The following VWA3B variants were observed in gnomAD, a reference collection of about 807,000 sequenced individuals.
VWA3B encodes the protein von Willebrand factor A domain containing 3B.
A neutral mutation model predicts 158.3 loss-of-function variants in VWA3B; 138 were observed. That is an observed-to-expected ratio of 0.87 (90% CI 0.76 to 1.00). The LOEUF is 1.00. VWA3B is among the 50% of genes least tolerant of loss of function. The pLI is 0.00. For synonymous variants in VWA3B, 596 were observed against 587.3 expected (o/e 1.01, Z -0.21); for missense variants, 1,555 against 1,565.1 (o/e 0.99, Z 0.11).
At chr2:98,104,002 CT>C (rs763568083) in intron 2 of VWA3B, among the ~76,000 whole-genome samples, 1 of 151,962 alleles carries the variant, frequency 6.6e-6, no homozygotes, top group Non-Finnish European at 1.5e-5. Flanking sequence ...TTGATGTTTA[CT>C]TTGATATTAA....
At chr2:98,178,624 G>T (rs1446569716) in intron 8 of VWA3B, among the ~76,000 whole-genome samples, 2 of 152,284 alleles carry the variant, frequency 1.3e-5, no homozygotes, top group East Asian at 1.9e-4. Context: ...AGCTGATGGG[G>T]TTACCAAGTC....
chr2:98,250,396 T>C lies in VWA3B; in HGVS notation c.2752T>C (p.Tyr918His). ...INPQGAKLNI[Y>H]KRKVEQAIQS... Reference sequence around the variant, plus strand: ...CCCCCAAGGAGCCAAACTCAATATCTACAAGCGAAAAGTGGAACAGGCAAT... The same window carrying C: ...CCCCCAAGGAGCCAAACTCAATATCCACAAGCGAAAAGTGGAACAGGCAAT... The change falls in exon 20 of 28, where the codon TAC becomes CAC. Residue 918 changes from tyrosine (Y) to histidine (H), a missense_variant. Tyr to His is a moderately conservative substitution (Grantham distance 83). Transcript: ENST00000477737. 1 of 1,612,970 alleles carries C rather than the reference T, an allele frequency of 6.2e-7. No individual in the cohort carries two copies. The highest frequency in any genetic ancestry group is 2.2e-5 in the East Asian group (1 of 44,776).
rs186821947 is a variant in VWA3B, at chr2:98,151,652, T to C, written c.989-11199T>C. Reference sequence around the variant, plus strand: ...GTGTTTGCTGGAAGGTGAATCAACTTTGGGATCAGACCTGGATTCAAATCT... The same window carrying C: ...GTGTTTGCTGGAAGGTGAATCAACTCTGGGATCAGACCTGGATTCAAATCT... On this transcript the variant is annotated intron_variant, in intron 7 of 27. Coordinates refer to ENST00000477737, the MANE Select transcript of VWA3B (RefSeq NM_144992.5). Among the ~76,000 whole-genome samples, 18 of 152,318 alleles carry C rather than the reference T, an allele frequency of 1.2e-4. 1 individual carries two copies. The East Asian group carries it at 3.5e-3, about 29-fold the overall frequency.
intron 1 of VWA3B, among the ~76,000 whole-genome samples, chr2:98,090,904 C>T (rs1031197748): frequency 4.0e-5 from 6 of 151,472 alleles, no homozygotes; most frequent in Admixed American, 3.9e-4. Context: ...TACAGGCATG[C>T]ACCACCATGC....
chr2:98,168,586 G>A (rs1679308020), intron 8 of VWA3B, among the ~76,000 whole-genome samples: 1 of 152,110 alleles, frequency 6.6e-6, no homozygotes, highest in South Asian at 2.1e-4. Context: ...AGACAAGAAA[G>A]ATATTTAAAA....
chr2:98,242,579 A>G (rs1686146550), intron 19 of VWA3B, among the ~76,000 whole-genome samples: 1 of 151,284 alleles, frequency 6.6e-6, no homozygotes. Flanking sequence ...ACAGCATCCC[A>G]TCAAGGCTTC....
At chr2:98,231,968 T>C (rs1278378139) in intron 16 of VWA3B, among the ~76,000 whole-genome samples, 2 of 152,192 alleles carry the variant, frequency 1.3e-5, no homozygotes, top group Non-Finnish European at 2.9e-5. Flanking sequence ...TTTTTCTTTT[T>C]TAACACTGAC....
At chr2:98,294,060 A>G (rs1431396586) in intron 23 of VWA3B, among the ~76,000 whole-genome samples, 2 of 152,030 alleles carry the variant, frequency 1.3e-5, no homozygotes, top group African/African-American at 4.8e-5. Flanking sequence ...ATTGCCGGCC[A>G]GAATACTGCC....
At chr2:98,177,091 G>A in intron 8 of VWA3B, among the ~76,000 whole-genome samples, 1 of 152,152 alleles carries the variant, frequency 6.6e-6, no homozygotes, top group Middle Eastern at 3.2e-3. Flanking sequence ...GAGGGTGGGT[G>A]GATGAGGGAC....
At chr2:98,202,568 C>T (rs773795936) in intron 12 of VWA3B, among the ~76,000 whole-genome samples, 4 of 151,718 alleles carry the variant, frequency 2.6e-5, no homozygotes, top group Non-Finnish European at 4.4e-5. Context: ...ATTAAATCTC[C>T]ATTTCTTAGA....
At chr2:98,265,688 C>A (rs1413658140) in intron 21 of VWA3B, among the ~76,000 whole-genome samples, 4 of 148,608 alleles carry the variant, frequency 2.7e-5, no homozygotes. Flanking sequence ...TATTTCTCCA[C>A]ATCCTCTCCA....
chr2:98,118,558 A>T (rs1419236600), intron 3 of VWA3B, among the ~76,000 whole-genome samples: 1 of 152,188 alleles, frequency 6.6e-6, no homozygotes, highest in Non-Finnish European at 1.5e-5. Context: ...AAGAGAGCTC[A>T]CTAAAAAGCT....
At chr2:98,255,575 G>A (rs757081436) in intron 20 of VWA3B, among the ~76,000 whole-genome samples, 3 of 151,964 alleles carry the variant, frequency 2.0e-5, no homozygotes, top group Admixed American at 1.3e-4. Flanking sequence ...CTGAAAACGC[G>A]ATCAGTCTCA....
At chr2:98,230,777 A>G (rs771562385) in intron 16 of VWA3B, among the ~76,000 whole-genome samples, 23 of 152,196 alleles carry the variant, frequency 1.5e-4, no homozygotes, top group Admixed American at 6.5e-5. Flanking sequence ...CTTATTCAGC[A>G]TAGCACGGGA....
intron 16 of VWA3B, among the ~76,000 whole-genome samples, chr2:98,233,051 GAACA>G (rs1466058515): frequency 2.0e-5 from 3 of 152,220 alleles, no homozygotes; most frequent in African/African-American, 7.2e-5. Flanking sequence ...TCGTACATGG[GAACA>G]AACAGCCTTC....
intron 22 of VWA3B, among the ~76,000 whole-genome samples, chr2:98,274,727 G>A (rs1688417492): frequency 6.6e-6 from 1 of 152,228 alleles, no homozygotes; most frequent in Non-Finnish European, 1.5e-5. Context: ...ACGGATGTGT[G>A]TTTTAGAAAG....
At chr2:98,129,677 CCCCTGCA>C (rs1304420571) in intron 6 of VWA3B, among the ~76,000 whole-genome samples, 1 of 150,364 alleles carries the variant, frequency 6.7e-6, no homozygotes, top group East Asian at 2.0e-4. Flanking sequence ...AAAACATATG[CCCCTGCA>C]CCCTGGGTCT....
At chr2:98,153,529 A>T (rs568089749) in intron 7 of VWA3B, among the ~76,000 whole-genome samples, 1 of 152,342 alleles carries the variant, frequency 6.6e-6, no homozygotes, top group African/African-American at 2.4e-5. Context: ...AAGGGAAAAA[A>T]TAACCAAGTC....
chr2:98,280,875 C>T (rs552599005), intron 22 of VWA3B, among the ~76,000 whole-genome samples: 5 of 152,320 alleles, frequency 3.3e-5, no homozygotes, highest in Admixed American at 1.3e-4. Flanking sequence ...CTTGAGCCCC[C>T]GCCCAGATGT....
Sources: gnomAD v4.1 joint callset for allele counts (sites outside exome capture counted in the v4.1 genomes callset) on GRCh38, gnomAD v4.1.1 for gene constraint, MANE v1.5 for transcripts, NCBI Gene and HGNC (gene_info 2026-07-23, HGNC 2026-07-21) for gene names.